The following SNX29 variants were observed in gnomAD, a reference collection of about 807,000 sequenced individuals.
The protein encoded by SNX29 is sorting nexin 29.
SNX29 carries 78 observed loss-of-function variants against 102.1 expected under a neutral mutation model. The ratio of observed to expected loss-of-function variants is 0.76; its 90% CI spans 0.64 to 0.92. The LOEUF is 0.92. SNX29 is among the 40% of genes least tolerant of loss of function. The pLI, the probability that SNX29 is intolerant of heterozygous loss-of-function variation, is 0.00. For missense variants in SNX29, 1,280 were observed against 1,061.7 expected (o/e 1.21, Z -2.86); for synonymous variants, 580 against 414.5 (o/e 1.40, Z -4.85).
chr16:11,987,184 C>T (rs1421070436), intron 1 of SNX29, among the ~76,000 whole-genome samples: 1 of 151,606 alleles, frequency 6.6e-6, no homozygotes, highest in African/African-American at 2.4e-5. Flanking sequence ...TCCTCCTCAG[C>T]TCCCCAGGAG....
chr16:12,050,761 G>C (rs1013550639), intron 7 of SNX29, among the ~76,000 whole-genome samples: 3 of 152,110 alleles, frequency 2.0e-5, no homozygotes, highest in African/African-American at 7.2e-5. Flanking sequence ...ACCCAGACTG[G>C]AGTGCAATGG....
intron 15 of SNX29, among the ~76,000 whole-genome samples, chr16:12,283,060 C>T (rs755329691): frequency 1.3e-5 from 2 of 152,154 alleles, no homozygotes; most frequent in Non-Finnish European, 2.9e-5. Flanking sequence ...TACTCTGGCC[C>T]TTAATGTTAG....
chr16:12,544,417 C>A (rs1056823967), intron 20 of SNX29, among the ~76,000 whole-genome samples: 1 of 152,162 alleles, frequency 6.6e-6, no homozygotes, highest in Non-Finnish European at 1.5e-5. Context: ...ATTATGTCAG[C>A]TGGTGGGATT....
chr16:12,474,155 G>A (rs1006252841), intron 18 of SNX29, among the ~76,000 whole-genome samples: 1 of 152,130 alleles, frequency 6.6e-6, no homozygotes, highest in African/African-American at 2.4e-5. Context: ...CTCCCCACCT[G>A]CCCTGGGCAA....
intron 14 of SNX29, among the ~76,000 whole-genome samples, chr16:12,236,880 CTG>C (rs1458353869): frequency 6.6e-6 from 1 of 152,226 alleles, no homozygotes; most frequent in Non-Finnish European, 1.5e-5. Flanking sequence ...GCCTTGGGAA[CTG>C]TGCTTGACAC....
chr16:11,988,910 C>G (rs916923833), intron 1 of SNX29, among the ~76,000 whole-genome samples: 4 of 152,162 alleles, frequency 2.6e-5, no homozygotes, highest in Admixed American at 2.6e-4. Context: ...AGTGTATGGC[C>G]TGCAAAGCCT....
At chr16:12,170,765 G>A (rs1164078975) in intron 13 of SNX29, among the ~76,000 whole-genome samples, 1 of 112,582 alleles carries the variant, frequency 8.9e-6, no homozygotes, top group Non-Finnish European at 1.6e-5. Context: ...TGTGTGAGAG[G>A]AGTGTGAGTG....
intron 16 of SNX29, among the ~76,000 whole-genome samples, chr16:12,366,815 G>C (rs549725608): frequency 6.7e-6 from 1 of 149,132 alleles, no homozygotes; most frequent in South Asian, 2.1e-4. Context: ...TTCTCTCTCT[G>C]CTCCTTTCTT....
intron 16 of SNX29, among the ~76,000 whole-genome samples, chr16:12,357,870 C>T (rs1429874621): frequency 6.6e-6 from 1 of 152,246 alleles, no homozygotes; most frequent in African/African-American, 2.4e-5. Context: ...TTTTCAACCC[C>T]TCAGCTTTGC....
intron 14 of SNX29, among the ~76,000 whole-genome samples, chr16:12,222,781 C>G (rs1388936679): frequency 5.3e-5 from 8 of 152,144 alleles, no homozygotes; most frequent in Non-Finnish European, 1.0e-4. Context: ...GTTGGCCAGT[C>G]TGTTCTCAAA....
intron 13 of SNX29, among the ~76,000 whole-genome samples, chr16:12,144,526 C>CT (rs763412902): frequency 3.5e-4 from 54 of 152,328 alleles, no homozygotes; most frequent in Admixed American, 9.1e-4. Flanking sequence ...TATAAAAGGG[C>CT]TAGCTGGGCT....
At chr16:12,109,715 G>T (rs906960066) in intron 11 of SNX29, among the ~76,000 whole-genome samples, 4 of 150,820 alleles carry the variant, frequency 2.7e-5, no homozygotes, top group African/African-American at 4.8e-5. Context: ...GGGTTAACCT[G>T]TTGAGCTTCC....
chr16:12,567,540 T>G (rs1396586741), intron 20 of SNX29, among the ~76,000 whole-genome samples: 2 of 152,034 alleles, frequency 1.3e-5, no homozygotes, highest in Non-Finnish European at 2.9e-5. Flanking sequence ...ATCCCAGCAC[T>G]TTAGGAGGCT....
chr16:12,283,206 AC>A (rs1043756494), intron 15 of SNX29, among the ~76,000 whole-genome samples: 6 of 151,724 alleles, frequency 4.0e-5, no homozygotes, highest in African/African-American at 1.2e-4. Context: ...GGCTTTTCTT[AC>A]CCTGGGAGCA....
chr16:12,348,405 A>G (rs1049841867), intron 15 of SNX29, among the ~76,000 whole-genome samples: 7 of 152,188 alleles, frequency 4.6e-5, no homozygotes, highest in Non-Finnish European at 8.8e-5. Flanking sequence ...TACTTACTCT[A>G]GGTGCCCCTT....
chr16:12,373,238 T>G (rs535364173), intron 16 of SNX29, among the ~76,000 whole-genome samples: 5 of 152,218 alleles, frequency 3.3e-5, no homozygotes, highest in Non-Finnish European at 7.4e-5. Context: ...GCTCAAGCAG[T>G]CCTCCCACCT....
chr16:12,189,291 T>A (rs2076585473), intron 13 of SNX29, among the ~76,000 whole-genome samples: 1 of 152,232 alleles, frequency 6.6e-6, no homozygotes, highest in Non-Finnish European at 1.5e-5. Context: ...TGTCTTTTCT[T>A]GCAAAATGGT....
chr16:12,025,688 G>A (rs930188223), intron 3 of SNX29, among the ~76,000 whole-genome samples: 2 of 152,222 alleles, frequency 1.3e-5, no homozygotes, highest in African/African-American at 4.8e-5. Flanking sequence ...CATGGGCACC[G>A]AATACAGTGG....
At chr16:12,078,346 G>C (rs146640204) in intron 10 of SNX29, among the ~76,000 whole-genome samples, 1 of 151,662 alleles carries the variant, frequency 6.6e-6, no homozygotes, top group Non-Finnish European at 1.5e-5. Context: ...GTGGTGGTGC[G>C]GGCCTGTAAT....
Sources: allele counts gnomAD v4.1 joint callset (sites outside exome capture counted in the v4.1 genomes callset), GRCh38; gene constraint gnomAD v4.1.1; transcripts MANE v1.5; gene names NCBI Gene and HGNC (gene_info 2026-07-23, HGNC 2026-07-21).